Variants in PDPR observed in about 807,000 individuals in gnomAD.
PDPR encodes pyruvate dehydrogenase phosphatase regulatory subunit.
Under a neutral mutation model 102.2 loss-of-function variants are expected in PDPR, and 50 were observed. The observed-to-expected ratio is 0.49, with a 90% CI of 0.39 to 0.62. The LOEUF is 0.62. Among genes scored for constraint, PDPR ranks in the 20% least tolerant of loss-of-function variants. PDPR has a pLI of 0.00. For synonymous variants in PDPR, 259 were observed against 406.0 expected, an observed-to-expected ratio of 0.64 and a Z score of 4.35; for missense variants, 625 against 1,098.2, an observed-to-expected ratio of 0.57 and a Z score of 6.09.
chr16:70,156,816 C>T lies in PDPR; in HGVS notation c.2577C>T (p.Ala859=). Residue 859 remains alanine (A), a synonymous_variant, in exon 19 of 19, where the codon GCC becomes GCT. Coordinates refer to ENST00000288050, the MANE Select transcript of PDPR (RefSeq NM_017990.5). ...CCAAGGCCAAGCTCTACCCTGTCGCCTCCCTCTTCACCCAGAAGCGCCGAA... is the reference window on the plus strand; with the variant it reads ...CCAAGGCCAAGCTCTACCCTGTCGCTTCCCTCTTCACCCAGAAGCGCCGAA... ...FQAKAKLYPV[A]SLFTQKRRKD... is the part of the protein sequence containing the mutation. The T allele has an allele frequency of 1.9e-6, 3 of 1,614,082 alleles. No individual in the cohort carries two copies. Among genetic ancestry groups the T allele is most frequent in the Non-Finnish European group, 1.7e-6 (2 of 1,179,904 alleles).
intron 3 of PDPR, among the ~76,000 whole-genome samples, chr16:70,125,231 C>T (rs1290467529): frequency 6.6e-6 from 1 of 152,220 alleles, no homozygotes; most frequent in Non-Finnish European, 1.5e-5. Flanking sequence ...ACAAATTTAG[C>T]CAGGCATGGT....
In PDPR at chr16:70,156,572, A is replaced by C; in HGVS notation, c.2333A>C (p.Asp778Ala). The C allele has an allele frequency of 6.2e-7, 1 of 1,614,084 alleles. No homozygotes were observed. Among genetic ancestry groups the C allele is most frequent in the Non-Finnish European group, 8.5e-7 (1 of 1,179,908 alleles). The change falls in exon 19 of 19, where the codon GAC becomes GCC. Residue 778 changes from aspartate (D) to alanine (A), a missense_variant. Asp to Ala is a moderately radical substitution (Grantham distance 126). Transcript: ENST00000288050. ...TTCATCCTGGACGACCATGATTCAGACCTAGACCTTTGGCCTTGGTGGGGA... is the reference window on the plus strand; with the variant it reads ...TTCATCCTGGACGACCATGATTCAGCCCTAGACCTTTGGCCTTGGTGGGGA... Reference protein sequence around the residue: ...TMFILDDHDSDLDLWPWWGEP... With the variant: ...TMFILDDHDSALDLWPWWGEP...
rs1353023524 is a variant in PDPR, at chr16:70,160,966, G to A, written c.*4087G>A. 2.0e-5 allele frequency: 3 copies of A among 152,516 alleles called. No homozygotes were observed. The highest frequency in any genetic ancestry group is 6.5e-5 in the Admixed American group (1 of 15,288). The allele number at this position is 152,516 out of a possible 1,614,324, so 9.4% of individuals were successfully genotyped here. A position where few individuals can be genotyped will look rare whatever the true frequency, so the allele number is the denominator to read the frequency against. ...CCTGAAATAGAAGGGAATCTTCTGTGGCCCACAGTCTCCATATTGGCACTA... is the reference window on the plus strand; with the variant it reads ...CCTGAAATAGAAGGGAATCTTCTGTAGCCCACAGTCTCCATATTGGCACTA... On this transcript the variant is annotated 3_prime_UTR_variant, in exon 19 of 19. Transcript: ENST00000288050.
chr16:70,145,069 A>G (rs1414327259), intron 15 of PDPR, among the ~76,000 whole-genome samples: 1 of 152,226 alleles, frequency 6.6e-6, no homozygotes, highest in Non-Finnish European at 1.5e-5. Context: ...CCTGGCCAAC[A>G]TGGTGAAACC....
rs145733386 is a variant in PDPR at position 70,131,856 on chromosome 16, T to C, written c.848-295T>C. ...TGCAACCCCCCTCTCTGTTAAACTT[T>C]CGCTTGGCACAGTGGGAGTTACGTG... On this transcript the variant is annotated intron_variant, in intron 8 of 18. Coordinates refer to ENST00000288050, the MANE Select transcript of PDPR (RefSeq NM_017990.5). The C allele has an allele frequency of 9.7e-4, 1,379 of 1,422,268 alleles. No individual in the cohort carries two copies. The African/African-American group carries it at 0.017, about 18-fold the overall frequency. The allele number at this position is 1,422,268 out of a possible 1,614,324, so 88.1% of individuals were successfully genotyped here.
At chr16:70,140,138 C>T in intron 11 of PDPR, among the ~76,000 whole-genome samples, 1 of 152,240 alleles carries the variant, frequency 6.6e-6, no homozygotes, top group Non-Finnish European at 1.5e-5. Flanking sequence ...GAGTTTGAGA[C>T]CAGCCTAGGC....
rs1201065640 is a variant in PDPR, at chr16:70,138,207, A to ATTTTTTTTTTTTT, written c.1191-676_1191-664dup. On this transcript the variant is annotated intron_variant, in intron 10 of 18. Transcript: ENST00000288050. Reference sequence around the variant, plus strand: ...CAGGCATGTGCCACCACGCCGGCTAATTTTTTTTTTTTTTTTTTTTTTTTT... The same window carrying ATTTTTTTTTTTTT: ...CAGGCATGTGCCACCACGCCGGCTAATTTTTTTTTTTTTTTTTTTTTTTTTTTTTTTTTTTTTT... Among the ~76,000 whole-genome samples the ATTTTTTTTTTTTT allele has an allele frequency of 2.3e-3, 218 of 94,022 alleles. 3 individuals are homozygous for ATTTTTTTTTTTTT. Among genetic ancestry groups the ATTTTTTTTTTTTT allele is most frequent in the Non-Finnish European group, 3.3e-3 (168 of 50,898 alleles). The allele number at this position is 94,022 out of a possible 152,430, so 61.7% of individuals were successfully genotyped here.
chr16:70,115,904 T>C (rs1962590311), intron 2 of PDPR, among the ~76,000 whole-genome samples: 1 of 152,184 alleles, frequency 6.6e-6, no homozygotes, highest in African/African-American at 2.4e-5. Context: ...GTTATCAGTT[T>C]GTGCTTTGGT....
In PDPR at chr16:70,158,158, G is replaced by GC. The variant is rs1158560808; in HGVS notation, c.*1282dup. 1 of 152,536 alleles carries GC rather than the reference G, an allele frequency of 6.6e-6. No homozygotes were observed. The highest frequency in any genetic ancestry group is 2.4e-5 in the African/African-American group (1 of 41,486). 9.4% of individuals were successfully genotyped at this position (152,536 alleles called of 1,614,324 possible). ...CTCTGGAGCAGGAGACAATGTGGGT[G>GC]CCCAGAAGTGCCCTGCGCTTTCAGG... is the stretch of plus-strand genomic sequence containing the variant. On this transcript the variant is annotated 3_prime_UTR_variant, in exon 19 of 19. Coordinates refer to ENST00000288050, the MANE Select transcript of PDPR (RefSeq NM_017990.5).
At chr16:70,153,187 A>G (rs1966842508) in intron 17 of PDPR, among the ~76,000 whole-genome samples, 1 of 152,292 alleles carries the variant, frequency 6.6e-6, no homozygotes, top group Non-Finnish European at 1.5e-5. Flanking sequence ...TCCTGTTGTC[A>G]TGGAGCTTAA....
At chr16:70,140,711 A>G (rs1223044470) in intron 11 of PDPR, among the ~76,000 whole-genome samples, 1 of 152,244 alleles carries the variant, frequency 6.6e-6, no homozygotes, top group Admixed American at 6.5e-5. Flanking sequence ...GCTACTTGGC[A>G]GGCTGAGGCA....
intron 16 of PDPR, 25 bp from the exon 17 acceptor site, chr16:70,148,439 C>G (rs1014708866): frequency 6.4e-7 from 1 of 1,573,670 alleles, no homozygotes; most frequent in Admixed American, 1.7e-5. Context: ...AGTGCCCAGG[C>G]TGACTGCTGC....
intron 10 of PDPR, among the ~76,000 whole-genome samples, chr16:70,137,798 T>G (rs531105726): frequency 8.5e-5 from 13 of 152,398 alleles, no homozygotes; most frequent in South Asian, 8.3e-4. Context: ...GTATAATCTT[T>G]AGGTGACAGA....
At position 70,157,055 on chromosome 16, in the gene PDPR, C is replaced by T. The variant is rs1967295942; in HGVS notation, c.*176C>T. On this transcript the variant is annotated 3_prime_UTR_variant, in exon 19 of 19. Transcript: ENST00000288050. ...TTAAACTTTTTTGCTCTGCAGCCTT[C>T]CTTGCCCTTCCACCTCCTCCTCCTA... The T allele has an allele frequency of 1.1e-6, 1 of 891,904 alleles. No individual in the cohort carries two copies. Among genetic ancestry groups the T allele is most frequent in the Non-Finnish European group, 1.8e-6 (1 of 560,104 alleles). The allele number at this position is 891,904 out of a possible 1,614,324, so 55.2% of individuals were successfully genotyped here. A position where few individuals can be genotyped will look rare whatever the true frequency, so the allele number is the denominator to read the frequency against.
At chr16:70,154,890 C>T (rs555656465) in intron 18 of PDPR, among the ~76,000 whole-genome samples, 17 of 152,334 alleles carry the variant, frequency 1.1e-4, no homozygotes, top group Non-Finnish European at 2.2e-4. Context: ...CCGCCCTCCT[C>T]GGCCTCCCAG....
rs1004773261 is a variant in PDPR at position 70,161,957 on chromosome 16, T to G, written c.*5078T>G. ...TTTAGCATCTCTTTCAAAAGATGTA[T>G]GTCAGAATTTCCTTTGCACACCAAG... On this transcript the variant is annotated 3_prime_UTR_variant, in exon 19 of 19. Transcript: ENST00000288050. The G allele has an allele frequency of 1.3e-5, 2 of 152,368 alleles. No individual in the cohort carries two copies. Among genetic ancestry groups the G allele is most frequent in the Non-Finnish European group, 2.9e-5 (2 of 68,096 alleles). 9.4% of individuals were successfully genotyped at this position (152,368 alleles called of 1,614,324 possible). A position where few individuals can be genotyped will look rare whatever the true frequency, so the allele number is the denominator to read the frequency against.
chr16:70,156,046 C>T (rs146651822), intron 18 of PDPR, among the ~76,000 whole-genome samples: 1 of 152,332 alleles, frequency 6.6e-6, no homozygotes, highest in East Asian at 1.9e-4. Flanking sequence ...CACTCCACCA[C>T]ACCCAGCTTA....
intron 9 of PDPR, among the ~76,000 whole-genome samples, chr16:70,134,848 A>G (rs1390065835): frequency 1.3e-5 from 2 of 152,198 alleles, no homozygotes; most frequent in East Asian, 1.9e-4. Context: ...AAGATGAAAG[A>G]GTCTCTAATG....
chr16:70,129,108 C>G lies in PDPR; in HGVS notation c.593C>G (p.Ala198Gly), dbSNP rs747171735. The G allele has an allele frequency of 6.2e-7, 1 of 1,613,664 alleles. No homozygotes were observed. The highest frequency in any genetic ancestry group is 8.5e-7 in the Non-Finnish European group (1 of 1,179,740). Residue 198 changes from alanine (A) to glycine (G), a missense_variant, in exon 6 of 19, where the codon GCT becomes GGT. Ala to Gly is a moderately conservative substitution (Grantham distance 60). Transcript: ENST00000288050. ...GACGTGGCTCTTGCCCTGGCAAGTG[C>G]TGCCTCCCAAAATGGTGAGCAGGTT... ...SADVALALAS[A>G]ASQNGVQIYD...
Sources: allele counts gnomAD v4.1 joint callset (sites outside exome capture counted in the v4.1 genomes callset), GRCh38; gene constraint gnomAD v4.1.1; transcripts MANE v1.5; gene names NCBI Gene and HGNC (gene_info 2026-07-23, HGNC 2026-07-21).